The following STIM2 variants were observed in gnomAD, a reference collection of about 807,000 sequenced individuals.
The protein encoded by STIM2 is stromal interaction molecule 2.
Under a neutral mutation model 85.8 loss-of-function variants are expected in STIM2, and 31 were observed. The ratio of observed to expected loss-of-function variants is 0.36; its 90% CI spans 0.27 to 0.49. The LOEUF (loss-of-function observed/expected upper bound fraction) is 0.49. Ranked by LOEUF, STIM2 falls within the 20% of genes least tolerant of loss-of-function variation. STIM2 has a pLI of 0.98. For synonymous variants in STIM2, 356 were observed against 331.1 expected (o/e 1.08, Z -0.82); for missense variants, 841 against 927.6 (o/e 0.91, Z 1.21).
intron 7 of STIM2, 107 bp downstream of exon 7, chr4:27,003,211 C>T: frequency 2.8e-6 from 3 of 1,059,348 alleles, no homozygotes; most frequent in Non-Finnish European, 3.9e-6. Flanking sequence ...CACTGTAGTT[C>T]CTCAGTTGAT....
chr4:26,875,726 A>G (rs748155582), intron 1 of STIM2, among the ~76,000 whole-genome samples: 51 of 152,188 alleles, frequency 3.4e-4, no homozygotes, highest in Non-Finnish European at 2.2e-4. Context: ...CTTTCTAATT[A>G]TTATGGGGAT....
chr4:26,906,666 AG>A lies in STIM2; in HGVS notation c.152-12837del, dbSNP rs1724137499. Among the ~76,000 whole-genome samples, 5 of 152,204 alleles carry A rather than the reference AG, an allele frequency of 3.3e-5. No individual in the cohort carries two copies. In the South Asian group the frequency reaches 1.0e-3, roughly 32 times the overall value. The stretch of plus-strand genomic sequence containing the variant: ...ATGAGAATATCTGTTTTTCTTTCCT[AG>A]CATGTGATACCTCATTTGGACTGGA... On this transcript the variant is annotated intron_variant, in intron 1 of 11. Coordinates refer to ENST00000467087, the MANE Select transcript of STIM2 (RefSeq NM_020860.4).
At chr4:26,900,908 T>TC (rs1430607828) in intron 1 of STIM2, among the ~76,000 whole-genome samples, 7 of 152,158 alleles carry the variant, frequency 4.6e-5, no homozygotes, top group Admixed American at 4.6e-4. Context: ...GAAAAGGAAA[T>TC]CCCAGACTGC....
At chr4:26,971,231 G>A (rs183921041) in intron 3 of STIM2, among the ~76,000 whole-genome samples, 1 of 152,276 alleles carries the variant, frequency 6.6e-6, no homozygotes, top group East Asian at 1.9e-4. Context: ...TTGCCCTGCA[G>A]AAGCTCTTTT....
At chr4:26,960,522 A>G (rs1225954146) in intron 3 of STIM2, among the ~76,000 whole-genome samples, 1 of 152,210 alleles carries the variant, frequency 6.6e-6, no homozygotes, top group African/African-American at 2.4e-5. Flanking sequence ...TCACTTTGAT[A>G]TTCAGTAAAT....
intron 1 of STIM2, among the ~76,000 whole-genome samples, chr4:26,905,427 T>C (rs1424462609): frequency 6.6e-6 from 1 of 152,082 alleles, no homozygotes; most frequent in East Asian, 1.9e-4. Context: ...GGGACAGTAA[T>C]CTATGCAAGA....
At chr4:26,920,782 A>G (rs758351611) in intron 2 of STIM2, among the ~76,000 whole-genome samples, 54 of 152,158 alleles carry the variant, frequency 3.5e-4, no homozygotes, top group Non-Finnish European at 8.8e-5. Context: ...TGATGTTTTT[A>G]GAGGGCTCTT....
chr4:26,974,618 G>C (rs1727109827), intron 3 of STIM2, among the ~76,000 whole-genome samples: 1 of 152,200 alleles, frequency 6.6e-6, no homozygotes, highest in Non-Finnish European at 1.5e-5. Flanking sequence ...CTGTTAGTCT[G>C]ATGGGCTTCC....
intron 2 of STIM2, among the ~76,000 whole-genome samples, chr4:26,944,283 C>G (rs1725731119): frequency 6.6e-6 from 1 of 151,956 alleles, no homozygotes; most frequent in African/African-American, 2.4e-5. Flanking sequence ...TTTACTTGTT[C>G]TTTAATTTTT....
chr4:26,955,526 C>G lies in STIM2; in HGVS notation c.283-2086C>G, dbSNP rs113987378. 4.1e-4 allele frequency among the ~76,000 whole-genome samples: 60 copies of G among 148,046 alleles called. 7 individuals are homozygous for G. Among genetic ancestry groups the G allele is most frequent in the African/African-American group, 1.2e-3 (45 of 38,792 alleles). On this transcript the variant is annotated intron_variant, in intron 2 of 11. Transcript: ENST00000467087. ...AGATAGAGACAACTTCTGAGCATCT[C>G]TTTGGTAGTCTCTACTGAATTTTGA...
chr4:26,996,742 AAC>A (rs559284077), intron 4 of STIM2, among the ~76,000 whole-genome samples: 183 of 152,292 alleles, frequency 1.2e-3, no homozygotes, highest in South Asian at 2.3e-3. Flanking sequence ...CTTAAATTAA[AAC>A]AGAGTCAAAC....
chr4:27,009,213 A>G (rs1036113501), intron 10 of STIM2, among the ~76,000 whole-genome samples: 1 of 152,120 alleles, frequency 6.6e-6, no homozygotes, highest in African/African-American at 2.4e-5. Flanking sequence ...TTTATATTAT[A>G]TATTTATACA....
At chr4:26,938,230 TA>T (rs1272401369) in intron 2 of STIM2, among the ~76,000 whole-genome samples, 1 of 152,034 alleles carries the variant, frequency 6.6e-6, no homozygotes. Flanking sequence ...GAGGTATATT[TA>T]ACAAATAAAG....
chr4:26,861,424 A>G (rs1399408907), intron 1 of STIM2, 55 bp downstream of exon 1: 1 of 1,267,898 alleles, frequency 7.9e-7, no homozygotes, highest in East Asian at 3.3e-5. Context: ...GGGACCCCCA[A>G]CCCGTGCAGA....
chr4:27,008,796 G>C lies in STIM2; in HGVS notation c.1283G>C (p.Arg428Pro). The change falls in exon 10 of 12, where the codon CGA becomes CCA. Residue 428 changes from arginine to proline, a missense_variant. This residue lies in a region of STIM2 where 408 missense variants were observed against 525.4 expected (regional missense o/e 0.78). Transcript: ENST00000467087. ...CTCTCTGAGTTGACAACTTGTTTAC[G>C]AGAACGACTTTTTCGCTGGCAACAA... 1.9e-6 allele frequency: 3 copies of C among 1,613,994 alleles called. No individual in the cohort carries two copies. The highest frequency in any genetic ancestry group is 1.1e-5 in the South Asian group (1 of 91,068).
At chr4:27,018,151 T>C (rs1297595736) in intron 11 of STIM2, among the ~76,000 whole-genome samples, 167 bp downstream of exon 11, 2 of 152,182 alleles carry the variant, frequency 1.3e-5, no homozygotes, top group Non-Finnish European at 2.9e-5. Context: ...CTTAGTTCTG[T>C]ACATCAGAAT....
intron 1 of STIM2, among the ~76,000 whole-genome samples, chr4:26,876,133 T>G (rs1722808082): frequency 6.6e-6 from 1 of 152,232 alleles, no homozygotes. Flanking sequence ...TCAGACATGT[T>G]GACTGATTTG....
intron 1 of STIM2, among the ~76,000 whole-genome samples, chr4:26,878,875 A>G (rs1722903450): frequency 6.6e-6 from 1 of 152,136 alleles, no homozygotes; most frequent in African/African-American, 2.4e-5. Context: ...ATCGGCTCTC[A>G]TGAGAACTCC....
At chr4:26,875,410 G>T (rs749998284) in intron 1 of STIM2, among the ~76,000 whole-genome samples, 1 of 152,042 alleles carries the variant, frequency 6.6e-6, no homozygotes, top group South Asian at 2.1e-4. Context: ...TTAGTTTTAC[G>T]TTTTGAAGTC....
Sources: allele counts gnomAD v4.1 joint callset (sites outside exome capture counted in the v4.1 genomes callset), GRCh38; gene constraint gnomAD v4.1.1; regional missense constraint gnomAD v4.1.1; transcripts MANE v1.5; gene names NCBI Gene and HGNC (gene_info 2026-07-23, HGNC 2026-07-21).